The following CD226 variants were observed in gnomAD, a reference collection of about 807,000 sequenced individuals.
The protein encoded by CD226 is CD226 antigen.
CD226 carries 24 observed loss-of-function variants against 34.9 expected under a neutral mutation model. The observed-to-expected ratio is 0.69, with a 90% CI of 0.50 to 0.97. The LOEUF is 0.97. CD226 is among the 50% of genes least tolerant of loss of function. The pLI, the probability that CD226 is intolerant of heterozygous loss-of-function variation, is 0.00. For missense variants in CD226, 397 were observed against 412.7 expected (o/e 0.96, Z 0.33); for synonymous variants, 148 against 147.4 (o/e 1.00, Z -0.03).
At chr18:69,898,710 A>G (rs1985441687) in intron 2 of CD226, among the ~76,000 whole-genome samples, 1 of 152,170 alleles carries the variant, frequency 6.6e-6, no homozygotes, top group Admixed American at 6.5e-5. Context: ...GTTAGATGAA[A>G]ATCAAGACCT....
chr18:69,912,515 T>C (rs374250821), intron 2 of CD226, among the ~76,000 whole-genome samples: 4 of 152,308 alleles, frequency 2.6e-5, no homozygotes, highest in African/African-American at 9.6e-5. Flanking sequence ...ATTTTGAGAT[T>C]GAGATGTCTA....
intron 3 of CD226, among the ~76,000 whole-genome samples, chr18:69,889,732 G>A (rs979883662): frequency 6.6e-6 from 1 of 152,160 alleles, no homozygotes; most frequent in East Asian, 1.9e-4. Flanking sequence ...ATCTATATAC[G>A]GATGTATTTA....
intron 3 of CD226, among the ~76,000 whole-genome samples, chr18:69,895,089 G>C (rs140666007): frequency 1.3e-5 from 2 of 152,246 alleles, no homozygotes; most frequent in Non-Finnish European, 2.9e-5. Flanking sequence ...ATGTTTGGGG[G>C]TCCCTGAGGA....
upstream of CD226, among the ~76,000 whole-genome samples, chr18:69,959,979 G>A (rs575904941): frequency 6.0e-4 from 91 of 152,278 alleles, no homozygotes; most frequent in Admixed American, 9.8e-4. Flanking sequence ...GGGCACGGTG[G>A]TTCACACCTG....
Position 69,895,780 on chromosome 18 carries a change from G to A in CD226, c.648C>T (p.Asp216=). 1 of 1,614,134 alleles carries A rather than the reference G, an allele frequency of 6.2e-7. No individual in the cohort carries two copies. Among genetic ancestry groups the A allele is most frequent in the Non-Finnish European group, 8.5e-7 (1 of 1,180,000 alleles). ...GCAAGTAGCAGCGGTAAAGCCCCGAGTCTGAGACTGTGACATCGGGGATGA... is the reference window on the plus strand; with the variant it reads ...GCAAGTAGCAGCGGTAAAGCCCCGAATCTGAGACTGTGACATCGGGGATGA... ...VIVIPDVTVS[D]SGLYRCYLQA... is the part of the protein sequence containing the mutation. Residue 216 remains aspartate (D), a synonymous_variant, in exon 3 of 6, where the codon GAC becomes GAT. Transcript: ENST00000582621.
intron 3 of CD226, among the ~76,000 whole-genome samples, chr18:69,887,199 T>C (rs748116987): frequency 8.5e-5 from 13 of 152,180 alleles, no homozygotes; most frequent in Non-Finnish European, 1.5e-4. Context: ...GTAAGTGTGG[T>C]TATAAAGTTG....
chr18:69,911,209 C>CA (rs1469504691), intron 2 of CD226, among the ~76,000 whole-genome samples: 5 of 151,806 alleles, frequency 3.3e-5, no homozygotes, highest in Non-Finnish European at 5.9e-5. Context: ...TGAGTACTGT[C>CA]AAAAAACTCA....
chr18:69,886,630 CAGG>C, intron 3 of CD226, among the ~76,000 whole-genome samples: 1 of 151,884 alleles, frequency 6.6e-6, no homozygotes, highest in Admixed American at 6.6e-5. Context: ...CGCTTGAACC[CAGG>C]AGGAGGAGGT....
chr18:69,867,541 C>T, intron 4 of CD226, 130 bp from the exon 5 acceptor site: 1 of 597,308 alleles, frequency 1.7e-6, no homozygotes, highest in East Asian at 2.7e-5. Context: ...GCTTTATGCA[C>T]ATTTATCCAA....
chr18:69,929,299 G>C (rs957961077), intron 2 of CD226, among the ~76,000 whole-genome samples: 2 of 151,002 alleles, frequency 1.3e-5, no homozygotes, highest in African/African-American at 4.9e-5. Flanking sequence ...TGGATCGTGA[G>C]GACACCCTGG....
At chr18:69,892,268 G>A (rs1361381211) in intron 3 of CD226, among the ~76,000 whole-genome samples, 2 of 152,124 alleles carry the variant, frequency 1.3e-5, no homozygotes, top group Non-Finnish European at 2.9e-5. Flanking sequence ...AGCCAATAAG[G>A]TCAGTTTAAA....
chr18:69,924,269 A>G (rs550413004), intron 2 of CD226, among the ~76,000 whole-genome samples: 1 of 152,298 alleles, frequency 6.6e-6, no homozygotes, highest in East Asian at 1.9e-4. Flanking sequence ...GACACACTAC[A>G]TTTGTACTAC....
At chr18:69,950,185 T>C (rs1457328418), upstream of CD226, among the ~76,000 whole-genome samples, 2 of 151,304 alleles carry the variant, frequency 1.3e-5, no homozygotes, top group Non-Finnish European at 2.9e-5. Flanking sequence ...CGTACATGCA[T>C]ACACTCACAT....
At chr18:69,903,002 G>C (rs957625065) in intron 2 of CD226, among the ~76,000 whole-genome samples, 2 of 152,070 alleles carry the variant, frequency 1.3e-5, no homozygotes, top group African/African-American at 4.8e-5. Flanking sequence ...CTCCTAAAGT[G>C]CCTGAGATAA....
chr18:69,896,181 C>CA, intron 2 of CD226, 136 bp from the exon 3 acceptor site: 1 of 1,206,304 alleles, frequency 8.3e-7, no homozygotes, highest in Non-Finnish European at 1.1e-6. Context: ...CTTTATACTA[C>CA]TTTTTTTTTT....
intron 2 of CD226, among the ~76,000 whole-genome samples, chr18:69,901,144 C>G (rs752609551): frequency 7.9e-5 from 12 of 151,540 alleles, no homozygotes; most frequent in Non-Finnish European, 1.2e-4. Context: ...ATATGAAAAA[C>G]TCAAGGTGAC....
chr18:69,957,357 TTTTC>T (rs2055906813), upstream of CD226, among the ~76,000 whole-genome samples: 2 of 151,936 alleles, frequency 1.3e-5, no homozygotes, highest in African/African-American at 4.8e-5. Context: ...ACTCTTTTTT[TTTTC>T]TTTGTCTCCC....
At chr18:69,961,735 A>C (rs2055930555), upstream of CD226, 1 of 152,186 alleles carries the variant, frequency 6.6e-6, no homozygotes. Context: ...ACACACCTTA[A>C]GGACTCCAGA....
upstream of CD226, among the ~76,000 whole-genome samples, chr18:69,952,693 C>T (rs1436406447): frequency 2.0e-5 from 3 of 151,986 alleles, no homozygotes; most frequent in Admixed American, 1.3e-4. Flanking sequence ...AAGTTGTCAA[C>T]GGATTCTTAG....
Sources: gnomAD v4.1 joint callset for allele counts (sites outside exome capture counted in the v4.1 genomes callset) on GRCh38, gnomAD v4.1.1 for gene constraint, MANE v1.5 for transcripts, NCBI Gene and HGNC (gene_info 2026-07-23, HGNC 2026-07-21) for gene names.